LIN54: variants seen among roughly 807,000 people sequenced by gnomAD.
LIN54 encodes the protein protein lin-54 homolog.
LIN54 carries 9 observed loss-of-function variants against 78.7 expected under a neutral mutation model. That is an observed-to-expected ratio of 0.11 (90% CI 0.07 to 0.20). LIN54 has a LOEUF of 0.20. LIN54 is among the 10% of genes least tolerant of loss of function. LIN54 has a pLI of 1.00. For missense variants in LIN54, 573 were observed against 889.9 expected, an observed-to-expected ratio of 0.64 and a Z score of 4.53; for synonymous variants, 269 against 318.4, an observed-to-expected ratio of 0.84 and a Z score of 1.65.
At chr4:82,938,353 T>C (rs1370556965) in intron 8 of LIN54, 60 bp downstream of exon 8, 4 of 911,538 alleles carry the variant, frequency 4.4e-6, no homozygotes, top group Non-Finnish European at 7.3e-6. Flanking sequence ...GGAATATATA[T>C]ATTTACTGTT....
intron 12 of LIN54, among the ~76,000 whole-genome samples, chr4:82,930,521 A>T (rs1721861425): frequency 6.6e-6 from 1 of 152,204 alleles, no homozygotes; most frequent in African/African-American, 2.4e-5. Context: ...GATGAAAGAG[A>T]TAACAATACG....
chr4:82,932,236 A>AG (rs1262840101), intron 11 of LIN54, among the ~76,000 whole-genome samples: 3 of 150,978 alleles, frequency 2.0e-5, no homozygotes, highest in African/African-American at 7.3e-5. Context: ...CTGGGACTAC[A>AG]GGCACCCGCC....
At chr4:82,938,099 C>A (rs1578494602) in intron 8 of LIN54, among the ~76,000 whole-genome samples, 1 of 152,096 alleles carries the variant, frequency 6.6e-6, no homozygotes, top group South Asian at 2.1e-4. Flanking sequence ...GCACTCCAGC[C>A]TGGGCAACAG....
intron 4 of LIN54, among the ~76,000 whole-genome samples, chr4:82,947,624 A>G (rs1318784684): frequency 2.0e-5 from 3 of 152,118 alleles, no homozygotes; most frequent in African/African-American, 7.2e-5. Flanking sequence ...TTGGTCTGAC[A>G]AAAGGCAATG....
Position 82,978,956 on chromosome 4 carries a change from C to G in LIN54, c.735G>C (p.Leu245=), listed in dbSNP as rs779644136. The G allele has an allele frequency of 6.3e-7, 1 of 1,596,120 alleles. No homozygotes were observed. Among genetic ancestry groups the G allele is most frequent in the Non-Finnish European group, 8.6e-7 (1 of 1,167,202 alleles). The change falls in exon 3 of 13, where the codon CTG becomes CTC. Residue 245 remains leucine, a synonymous_variant. Transcript: ENST00000340417. ...TACTATTAATTGGTTTTGCAAAGAT[C>G]AGCTTCGTGATTACTGGACCAGAGG... ...TPTSGPVITK[L]IFAKPINSKA... is the part of the protein sequence containing the mutation.
chr4:82,940,391 G>A (rs1216046072), intron 5 of LIN54, among the ~76,000 whole-genome samples: 1 of 151,934 alleles, frequency 6.6e-6, no homozygotes, highest in African/African-American at 2.4e-5. Flanking sequence ...TCATTCTTGG[G>A]TTTTTGTTTT....
At chr4:82,949,715 T>C (rs1239887878) in intron 4 of LIN54, among the ~76,000 whole-genome samples, 1 of 152,042 alleles carries the variant, frequency 6.6e-6, no homozygotes, top group South Asian at 2.1e-4. Context: ...TTATAAATTG[T>C]AGATTTTAAC....
rs368407301 is a variant in LIN54 at position 82,936,342 on chromosome 4, G to A, written c.1644C>T (p.Asn548=). Residue 548 remains asparagine (N), a synonymous_variant, in exon 10 of 13, where the codon AAC becomes AAT. Transcript: ENST00000340417. The part of the protein sequence containing the change: ...DCFANGEFCN[N]CNCTNCYNNL... ...TGTTGTAACAATTAGTACAATTGCA[G>A]TTGTTGCAAAATTCACCATTTGCAA... 2 of 1,578,826 alleles carry A rather than the reference G, an allele frequency of 1.3e-6. No homozygotes were observed. The highest frequency in any genetic ancestry group is 2.7e-5 in the African/African-American group (2 of 74,276).
At chr4:83,001,923 G>A (rs1261086317) in intron 1 of LIN54, among the ~76,000 whole-genome samples, 282 of 4,280 alleles carry the variant, frequency 0.066, 90 homozygotes, top group East Asian at 0.17. Flanking sequence ...GGGAGGGAGG[G>A]AGGGAGGGAA....
chr4:82,933,791 T>C (rs1008414986), intron 11 of LIN54, among the ~76,000 whole-genome samples: 2 of 152,226 alleles, frequency 1.3e-5, no homozygotes, highest in Non-Finnish European at 2.9e-5. Context: ...GTACCTTTTC[T>C]ACTTCTATTA....
chr4:83,012,046 A>C (rs1729883707), upstream of LIN54: 1 of 985,268 alleles, frequency 1.0e-6, no homozygotes, highest in South Asian at 4.7e-5. Flanking sequence ...TCCATATAAA[A>C]GTCGGTAGAT....
chr4:82,975,400 A>AT (rs1726081937), intron 3 of LIN54, among the ~76,000 whole-genome samples: 1 of 152,008 alleles, frequency 6.6e-6, no homozygotes, highest in African/African-American at 2.4e-5. Flanking sequence ...TTTTTTAAAA[A>AT]TAAGTTTTTT....
intron 1 of LIN54, among the ~76,000 whole-genome samples, chr4:82,997,168 C>A (rs569493440): frequency 3.0e-4 from 45 of 152,164 alleles, no homozygotes; most frequent in African/African-American, 1.1e-3. Context: ...ATAAAGTAAT[C>A]ATAGAGAAGG....
intron 5 of LIN54, among the ~76,000 whole-genome samples, chr4:82,942,143 G>A (rs76197682): frequency 1.6e-5 from 2 of 128,784 alleles, no homozygotes; most frequent in African/African-American, 3.5e-5. Flanking sequence ...GTTTTTTTTT[G>A]TTTTTGCTTT....
intron 4 of LIN54, among the ~76,000 whole-genome samples, chr4:82,959,691 A>G (rs941290516): frequency 1.4e-4 from 22 of 152,282 alleles, no homozygotes; most frequent in Admixed American, 9.8e-4. Flanking sequence ...ATAGATGATG[A>G]CACAAAAATT....
At chr4:82,953,185 C>T (rs947996053) in intron 4 of LIN54, among the ~76,000 whole-genome samples, 2 of 152,118 alleles carry the variant, frequency 1.3e-5, no homozygotes, top group African/African-American at 4.8e-5. Flanking sequence ...ATGGGGGTCT[C>T]ACCATGTTGC....
At chr4:83,007,151 A>G (rs1729467614) in intron 1 of LIN54, among the ~76,000 whole-genome samples, 1 of 152,072 alleles carries the variant, frequency 6.6e-6, no homozygotes, top group Non-Finnish European at 1.5e-5. Context: ...AAAAACAAAT[A>G]AATACATAAA....
In LIN54 at chr4:82,978,885, G is replaced by T; in HGVS notation, c.806C>A (p.Ala269Glu). The T allele has an allele frequency of 6.5e-7, 1 of 1,531,798 alleles. No individual in the cohort carries two copies. The highest frequency in any genetic ancestry group is 9.0e-7 in the Non-Finnish European group (1 of 1,113,600). The allele number at this position is 1,531,798 out of a possible 1,614,324, so 94.9% of individuals were successfully genotyped here. ...QTTQVSPPVI[A>E]GRVLSQSTPG... ...AATAAACTATAAAGAAATATAACCT[G>T]CAATAACTGGTGGTGAAACTTGAGT... is the stretch of plus-strand genomic sequence containing the variant. Residue 269 changes from alanine (A) to glutamate (E), a missense_variant and splice_region_variant, in exon 3 of 13, where the codon GCA (alanine) becomes GAA (glutamate). This residue lies in a region of LIN54 where 199 missense variants were observed against 260.9 expected (regional missense o/e 0.76). Transcript: ENST00000340417.
chr4:82,926,428 A>G lies in LIN54; in HGVS notation c.*1674T>C, dbSNP rs558846465. The stretch of plus-strand genomic sequence containing the variant: ...GGAAGATACTTTAGTGAATAACGGA[A>G]TCCTCTTTTGGATTACTTAATTTCT... On this transcript the variant is annotated 3_prime_UTR_variant, in exon 13 of 13. Transcript: ENST00000340417. 5 of 152,656 alleles carry G rather than the reference A, an allele frequency of 3.3e-5. No individual in the cohort carries two copies. In the East Asian group the frequency reaches 9.6e-4, roughly 29 times the overall value. 9.5% of individuals were successfully genotyped at this position (152,656 alleles called of 1,614,324 possible).
Sources: gnomAD v4.1 joint callset for allele counts (sites outside exome capture counted in the v4.1 genomes callset) on GRCh38, gnomAD v4.1.1 for gene constraint, gnomAD v4.1.1 regional missense constraint, MANE v1.5 for transcripts, NCBI Gene and HGNC (gene_info 2026-07-23, HGNC 2026-07-21) for gene names.